The following TOX variants were observed in gnomAD, a reference collection of about 807,000 sequenced individuals.
TOX encodes the protein thymocyte selection associated high mobility group box.
TOX carries 11 observed loss-of-function variants against 53.7 expected under a neutral mutation model. The ratio of observed to expected loss-of-function variants is 0.20; its 90% CI spans 0.13 to 0.34. TOX has a LOEUF of 0.34. Ranked by LOEUF, TOX falls within the 10% of genes least tolerant of loss-of-function variation. The pLI, the probability that TOX is intolerant of heterozygous loss-of-function variation, is 1.00. For missense variants in TOX, 570 were observed against 664.6 expected (o/e 0.86, Z 1.56); for synonymous variants, 225 against 245.3 (o/e 0.92, Z 0.77).
chr8:59,059,420 AT>A (rs202159695), intron 1 of TOX, among the ~76,000 whole-genome samples: 4 of 151,828 alleles, frequency 2.6e-5, no homozygotes, highest in African/African-American at 7.2e-5. Context: ...TACTCTTTAA[AT>A]TTTTTTTTAA....
chr8:59,112,929 G>C (rs1171074121), intron 1 of TOX, among the ~76,000 whole-genome samples: 1 of 152,148 alleles, frequency 6.6e-6, no homozygotes, highest in Admixed American at 6.5e-5. Context: ...ATCAACTCAT[G>C]ATAATTACAT....
At chr8:58,965,894 G>GCTTTTTTTTTTTTTTTTTTTTTTTTT (rs1374766431) in intron 1 of TOX, among the ~76,000 whole-genome samples, 1 of 49,616 alleles carries the variant, frequency 2.0e-5, no homozygotes, top group African/African-American at 7.7e-5. Context: ...ACGAGTCATC[G>GCTTTTTTTTTTTTTTTTTTTTTTTTT]TTTTTTTTTT....
intron 1 of TOX, chr8:58,991,693 G>A (rs186008175): frequency 6.6e-6 from 1 of 152,260 alleles, no homozygotes; most frequent in East Asian, 1.9e-4. Flanking sequence ...CTTTAAAAAT[G>A]GTTTCAAAGA....
chr8:59,016,520 G>A (rs1814012394), intron 1 of TOX, among the ~76,000 whole-genome samples: 1 of 152,120 alleles, frequency 6.6e-6, no homozygotes, highest in Admixed American at 6.5e-5. Flanking sequence ...GTCAGTAAAT[G>A]ATTCTATAAG....
chr8:58,948,532 C>T (rs1812562316), intron 2 of TOX, among the ~76,000 whole-genome samples: 1 of 152,226 alleles, frequency 6.6e-6, no homozygotes, highest in East Asian at 1.9e-4. Context: ...ATGTACTCCC[C>T]CTCCAAACCA....
chr8:59,119,029 T>TAA lies in TOX; in HGVS notation c.-44_-43dup. 1 of 1,431,812 alleles carries TAA rather than the reference T, an allele frequency of 7.0e-7. No individual in the cohort carries two copies. Among genetic ancestry groups the TAA allele is most frequent in the East Asian group, 2.5e-5 (1 of 40,582 alleles). 88.7% of individuals were successfully genotyped at this position (1,431,812 alleles called of 1,614,324 possible). The stretch of plus-strand genomic sequence containing the variant: ...GCAACTCCTTTTCTTTTTCCTTTTT[T>TAA]AAAAAAAAGTGTTCAGCAAAACAAG... On this transcript the variant is annotated 5_prime_UTR_variant, in exon 1 of 9. Coordinates refer to ENST00000361421, the MANE Select transcript of TOX (RefSeq NM_014729.3).
At chr8:59,060,608 C>T (rs767822831) in intron 1 of TOX, among the ~76,000 whole-genome samples, 1 of 152,176 alleles carries the variant, frequency 6.6e-6, no homozygotes, top group Non-Finnish European at 1.5e-5. Context: ...GCCTGGGTGA[C>T]AGAGCGAGAC....
chr8:59,099,472 C>T (rs1182681896), intron 1 of TOX, among the ~76,000 whole-genome samples: 5 of 152,046 alleles, frequency 3.3e-5, no homozygotes, highest in Admixed American at 2.0e-4. Context: ...TGAATAATTA[C>T]GTTGTTTAAA....
chr8:58,816,037 G>C (rs936107702), intron 6 of TOX, among the ~76,000 whole-genome samples: 1 of 152,248 alleles, frequency 6.6e-6, no homozygotes, highest in Non-Finnish European at 1.5e-5. Flanking sequence ...TGGGGGACGG[G>C]AGAAGGCAGA....
intron 1 of TOX, among the ~76,000 whole-genome samples, chr8:59,037,731 G>A (rs1803495238): frequency 6.6e-6 from 1 of 151,152 alleles, no homozygotes; most frequent in Admixed American, 6.6e-5. Flanking sequence ...GCACCTGGGA[G>A]GCGGAGGTTG....
At chr8:58,904,677 GC>G (rs1426147290) in intron 3 of TOX, among the ~76,000 whole-genome samples, 1 of 152,134 alleles carries the variant, frequency 6.6e-6, no homozygotes, top group Non-Finnish European at 1.5e-5. Context: ...GGTAATGACT[GC>G]ATTGTCTACT....
chr8:58,850,706 A>G (rs1416586517), intron 4 of TOX, among the ~76,000 whole-genome samples: 3 of 152,252 alleles, frequency 2.0e-5, no homozygotes, highest in Non-Finnish European at 4.4e-5. Flanking sequence ...GAATACAAAC[A>G]ATAGGAAAAT....
At chr8:58,827,015 T>A (rs1033201802) in intron 5 of TOX, 113 bp from the exon 6 acceptor site, 3 of 519,228 alleles carry the variant, frequency 5.8e-6, no homozygotes, top group Non-Finnish European at 8.8e-6. Flanking sequence ...TTATATAATA[T>A]AATAATATAT....
intron 6 of TOX, among the ~76,000 whole-genome samples, chr8:58,817,500 C>G (rs17292516): frequency 0.15 from 22,577 of 151,936 alleles, 2,034 homozygotes; most frequent in Non-Finnish European, 0.2. Context: ...ATGGGTTAAT[C>G]GAGCCTGTGT....
chr8:59,070,070 T>A (rs994459134), intron 1 of TOX, among the ~76,000 whole-genome samples: 1 of 152,232 alleles, frequency 6.6e-6, no homozygotes, highest in Non-Finnish European at 1.5e-5. Flanking sequence ...ACAATTGTTG[T>A]TGAATTCAAA....
chr8:59,028,864 T>C (rs1324130754), intron 1 of TOX, among the ~76,000 whole-genome samples: 1 of 152,180 alleles, frequency 6.6e-6, no homozygotes, highest in East Asian at 1.9e-4. Flanking sequence ...AGAAACATTA[T>C]GGTAGCTGTA....
intron 1 of TOX, among the ~76,000 whole-genome samples, chr8:58,988,969 G>T (rs1813388854): frequency 6.6e-6 from 1 of 152,158 alleles, no homozygotes; most frequent in Non-Finnish European, 1.5e-5. Context: ...AAGTATTAAT[G>T]AAATAATAAA....
chr8:59,043,743 G>T (rs1803637644), intron 1 of TOX, among the ~76,000 whole-genome samples: 2 of 152,212 alleles, frequency 1.3e-5, no homozygotes, highest in Non-Finnish European at 2.9e-5. Context: ...CGAGATGGAT[G>T]GGTAGCCCCG....
chr8:59,055,195 G>A (rs1487541576), intron 1 of TOX, among the ~76,000 whole-genome samples: 1 of 152,116 alleles, frequency 6.6e-6, no homozygotes, highest in Non-Finnish European at 1.5e-5. Flanking sequence ...TATCAAAGGG[G>A]GAGCTGTGCT....
Sources: allele counts gnomAD v4.1 joint callset (sites outside exome capture counted in the v4.1 genomes callset), GRCh38; gene constraint gnomAD v4.1.1; transcripts MANE v1.5; gene names NCBI Gene and HGNC (gene_info 2026-07-23, HGNC 2026-07-21).